The following RNF144B variants were observed in gnomAD, a reference collection of about 807,000 sequenced individuals.
RNF144B encodes the protein E3 ubiquitin-protein ligase RNF144B.
RNF144B carries 25 observed loss-of-function variants against 40.2 expected under a neutral mutation model. The observed-to-expected ratio is 0.62, with a 90% CI of 0.45 to 0.87. The LOEUF (loss-of-function observed/expected upper bound fraction) is 0.87. RNF144B is among the 40% of genes least tolerant of loss of function. The pLI is 0.00. For missense variants in RNF144B, 365 were observed against 373.7 expected (o/e 0.98, Z 0.19); for synonymous variants, 145 against 136.3 (o/e 1.06, Z -0.44).
rs1398278377 is a variant in RNF144B at position 18,447,347 on chromosome 6, TATG to T, written c.331+7607_331+7609del. Among the ~76,000 whole-genome samples, 2 of 152,108 alleles carry T rather than the reference TATG, an allele frequency of 1.3e-5. No homozygotes were observed. The highest frequency in any genetic ancestry group is 2.9e-5 in the Non-Finnish European group (2 of 68,024). On this transcript the variant is annotated intron_variant, in intron 4 of 7. Coordinates refer to ENST00000259939, the MANE Select transcript of RNF144B (RefSeq NM_182757.4). The surrounding 1 kb of genome is among the most constrained non-coding windows in gnomAD (Gnocchi z 5.6). Reference sequence around the variant, plus strand: ...GTTTGAGAAACAGCAAGGAGGCCCTTATGATGGAGCTAAGTGAGCAGAGGGGAG... The same window carrying T: ...GTTTGAGAAACAGCAAGGAGGCCCTTATGGAGCTAAGTGAGCAGAGGGGAG...
At position 18,406,264 on chromosome 6, in the gene RNF144B, A is replaced by G. The variant is rs1483968202; in HGVS notation, c.165+6565A>G. 6.6e-6 allele frequency among the ~76,000 whole-genome samples: 1 copy of G among 152,110 alleles called. No individual in the cohort carries two copies. The highest frequency in any genetic ancestry group is 2.4e-5 in the African/African-American group (1 of 41,426). Reference sequence around the variant, plus strand: ...AGTGCTGTGGGGAAGAGGGACTTCTACTTTATTAGATGATCAGGGAAGTCT... The same window carrying G: ...AGTGCTGTGGGGAAGAGGGACTTCTGCTTTATTAGATGATCAGGGAAGTCT... On this transcript the variant is annotated intron_variant, in intron 2 of 7. Coordinates refer to ENST00000259939, the MANE Select transcript of RNF144B (RefSeq NM_182757.4). The surrounding 1 kb of genome is among the most constrained non-coding windows in gnomAD (Gnocchi z 4.2).
At chr6:18,436,052 A>G (rs1444591204) in intron 3 of RNF144B, among the ~76,000 whole-genome samples, 2 of 149,634 alleles carry the variant, frequency 1.3e-5, no homozygotes, top group African/African-American at 2.5e-5. Context: ...ACCTCAAATC[A>G]CACACTAAAA....
At position 18,448,468 on chromosome 6, in the gene RNF144B, A is replaced by G. The variant is rs770589746; in HGVS notation, c.332-8687A>G. 6.6e-6 allele frequency among the ~76,000 whole-genome samples: 1 copy of G among 152,092 alleles called. No individual in the cohort carries two copies. Among genetic ancestry groups the G allele is most frequent in the Non-Finnish European group, 1.5e-5 (1 of 68,004 alleles). On this transcript the variant is annotated intron_variant, in intron 4 of 7. Transcript: ENST00000259939. The surrounding 1 kb of genome is among the most constrained non-coding windows in gnomAD (Gnocchi z 4.0). ...TGAGAGTGAGAAGAGAAAAGGGGTA[A>G]TGCAGATTTGAAGCAAAAGGAGGAG...
chr6:18,424,119 A>G (rs1160694836), intron 2 of RNF144B, among the ~76,000 whole-genome samples: 2 of 152,136 alleles, frequency 1.3e-5, no homozygotes, highest in Non-Finnish European at 2.9e-5. Flanking sequence ...CCCCCCTAGA[A>G]TTGTTAACCA....
chr6:18,440,836 T>A (rs7774742), intron 4 of RNF144B, among the ~76,000 whole-genome samples: 1 of 148,532 alleles, frequency 6.7e-6, no homozygotes, highest in Non-Finnish European at 1.5e-5. Flanking sequence ...AAACCAGATT[T>A]ATCTCATGGG....
chr6:18,426,348 T>C (rs1582421565), intron 2 of RNF144B, among the ~76,000 whole-genome samples: 2 of 152,210 alleles, frequency 1.3e-5, no homozygotes, highest in South Asian at 2.1e-4. Context: ...TGGTCATGCA[T>C]GTAGAAAAGG....
intron 2 of RNF144B, among the ~76,000 whole-genome samples, chr6:18,421,303 C>T (rs902188143): frequency 8.5e-6 from 1 of 117,696 alleles, no homozygotes; most frequent in Admixed American, 9.3e-5. Flanking sequence ...CACACACACA[C>T]ACACACACAC....
chr6:18,415,562 G>A (rs916048718), intron 2 of RNF144B, among the ~76,000 whole-genome samples: 25 of 152,034 alleles, frequency 1.6e-4, no homozygotes, highest in Non-Finnish European at 7.4e-5. Flanking sequence ...CTCCCGTGGG[G>A]GTTCAGTTTT....
chr6:18,391,685 G>A (rs1269041895), intron 1 of RNF144B, among the ~76,000 whole-genome samples: 1 of 151,760 alleles, frequency 6.6e-6, no homozygotes, highest in Non-Finnish European at 1.5e-5. Context: ...GGCAAACACG[G>A]TGAAACCACA....
chr6:18,400,579 A>G lies in RNF144B; in HGVS notation c.165+880A>G, dbSNP rs781260846. On this transcript the variant is annotated intron_variant, in intron 2 of 7. Transcript: ENST00000259939. This position sits in a 1 kb window ranked among gnomAD's most constrained non-coding sequence, Gnocchi z 5.6. ...ATCAACACCTGTGACCTTTACTGCC[A>G]CTTTTCCTTGAAGGTTGGTCGGTTA... Among the ~76,000 whole-genome samples, 1 of 152,156 alleles carries G rather than the reference A, an allele frequency of 6.6e-6. No homozygotes were observed. The highest frequency in any genetic ancestry group is 2.1e-4 in the South Asian group (1 of 4,834).
rs745983707 is a variant in RNF144B, at chr6:18,446,931, C to T, written c.331+7187C>T. On this transcript the variant is annotated intron_variant, in intron 4 of 7. Coordinates refer to ENST00000259939, the MANE Select transcript of RNF144B (RefSeq NM_182757.4). The surrounding 1 kb of genome is among the most constrained non-coding windows in gnomAD (Gnocchi z 4.7). ...CAAATATGTCAGGACATCTCCATGA[C>T]GGTAAATTATCCAATCCAAATGTCA... Among the ~76,000 whole-genome samples the T allele has an allele frequency of 4.6e-5, 7 of 151,584 alleles. No homozygotes were observed. In the South Asian group the frequency reaches 8.4e-4, roughly 18 times the overall value.
rs2057555 is a variant in RNF144B at position 18,459,505 on chromosome 6, A to C, written c.537-102A>C. On this transcript the variant is annotated intron_variant, in intron 5 of 7. Coordinates refer to ENST00000259939, the MANE Select transcript of RNF144B (RefSeq NM_182757.4). The surrounding 1 kb of genome is among the most constrained non-coding windows in gnomAD (Gnocchi z 4.2). ...ACACCCTTTCTTTTGGAAGTGAATT[A>C]AGCATGGATAACTGTGAGTTCATTA... The C allele has an allele frequency of 0.22, 259,720 of 1,160,082 alleles. 30,342 individuals are homozygous for C. The highest frequency in any genetic ancestry group is 0.34 in the African/African-American group (21,996 of 65,106). The allele number at this position is 1,160,082 out of a possible 1,614,324, so 71.9% of individuals were successfully genotyped here. A position where few individuals can be genotyped will look rare whatever the true frequency, so the allele number is the denominator to read the frequency against.
In RNF144B at chr6:18,465,120, T is replaced by C. The variant is rs1210206333; in HGVS notation, c.*53T>C. ...ATGTGAGTTACATGAGATGGCACAG[T>C]GATAAAGCCCCATTTAGTGACCTTG... On this transcript the variant is annotated 3_prime_UTR_variant, in exon 8 of 8. Coordinates refer to ENST00000259939, the MANE Select transcript of RNF144B (RefSeq NM_182757.4). 9 of 1,586,866 alleles carry C rather than the reference T, an allele frequency of 5.7e-6. No individual in the cohort carries two copies. Among genetic ancestry groups the C allele is most frequent in the Non-Finnish European group, 7.8e-6 (9 of 1,160,914 alleles).
chr6:18,427,914 T>C (rs1758599730), intron 3 of RNF144B, among the ~76,000 whole-genome samples: 1 of 152,202 alleles, frequency 6.6e-6, no homozygotes, highest in African/African-American at 2.4e-5. Context: ...GAAGAAGCTA[T>C]AGAATAGGCA....
intron 2 of RNF144B, among the ~76,000 whole-genome samples, chr6:18,421,608 G>A (rs754015613): frequency 5.3e-5 from 8 of 152,144 alleles, no homozygotes; most frequent in Non-Finnish European, 4.4e-5. Context: ...CCAAGGGTTA[G>A]CACGGACACT....
rs1307579871 is a variant in RNF144B, at chr6:18,399,499, G to A, written c.-36G>A. Reference sequence around the variant, plus strand: ...TTTTCTGCTTTGGACCTTTCTATAGGGATTGAGGAGACTGAAGAATGCTGA... The same window carrying A: ...TTTTCTGCTTTGGACCTTTCTATAGAGATTGAGGAGACTGAAGAATGCTGA... On this transcript the variant is annotated splice_region_variant and 5_prime_UTR_variant, in exon 2 of 8. Coordinates refer to ENST00000259939, the MANE Select transcript of RNF144B (RefSeq NM_182757.4). 1 of 1,609,392 alleles carries A rather than the reference G, an allele frequency of 6.2e-7. No individual in the cohort carries two copies.
intron 2 of RNF144B, among the ~76,000 whole-genome samples, chr6:18,411,942 A>G (rs2113478716): frequency 6.6e-6 from 1 of 152,304 alleles, no homozygotes; most frequent in South Asian, 2.1e-4. Flanking sequence ...TATACAGACC[A>G]ACCTTCCTTT....
chr6:18,452,126 A>G (rs1252555482), intron 4 of RNF144B, among the ~76,000 whole-genome samples: 3 of 152,234 alleles, frequency 2.0e-5, no homozygotes, highest in Non-Finnish European at 2.9e-5. Flanking sequence ...TATTATTAGT[A>G]TGTGCATTAT....
chr6:18,417,965 A>T (rs1001450575), intron 2 of RNF144B, among the ~76,000 whole-genome samples: 2 of 152,318 alleles, frequency 1.3e-5, no homozygotes, highest in Admixed American at 1.3e-4. Context: ...TGATGTACAA[A>T]TTACCAATAA....
Sources: gnomAD v4.1 joint callset for allele counts (sites outside exome capture counted in the v4.1 genomes callset) on GRCh38, gnomAD v4.1.1 for gene constraint, Gnocchi (gnomAD v3.1) non-coding constraint, MANE v1.5 for transcripts, NCBI Gene and HGNC (gene_info 2026-07-23, HGNC 2026-07-21) for gene names.